HS6ST3: variants seen among roughly 807,000 people sequenced by gnomAD.
The protein encoded by HS6ST3 is heparan-sulfate 6-O-sulfotransferase 3.
HS6ST3 carries 12 observed loss-of-function variants against 36.7 expected under a neutral mutation model. That is an observed-to-expected ratio of 0.33 (90% CI 0.21 to 0.53). The LOEUF (loss-of-function observed/expected upper bound fraction) is 0.53, where lower values mean the gene tolerates loss of function less well. HS6ST3 is among the 20% of genes least tolerant of loss of function. HS6ST3 has a pLI of 0.95. For synonymous variants in HS6ST3, 240 were observed against 257.5 expected (o/e 0.93, Z 0.65); for missense variants, 584 against 640.9 (o/e 0.91, Z 0.96).
chr13:96,295,378 T>C (rs2054849970), intron 1 of HS6ST3, among the ~76,000 whole-genome samples: 1 of 152,084 alleles, frequency 6.6e-6, no homozygotes, highest in South Asian at 2.1e-4. Flanking sequence ...CCAAGTGTCA[T>C]TGTGATTTAG....
chr13:96,459,667 A>T (rs546961339), intron 1 of HS6ST3, among the ~76,000 whole-genome samples: 1 of 152,254 alleles, frequency 6.6e-6, no homozygotes, highest in Non-Finnish European at 1.5e-5. Flanking sequence ...GTATTTCAAC[A>T]ATTCTTGGTA....
At chr13:96,577,737 A>G (rs750033662) in intron 1 of HS6ST3, among the ~76,000 whole-genome samples, 3 of 152,240 alleles carry the variant, frequency 2.0e-5, no homozygotes, top group Non-Finnish European at 1.5e-5. Flanking sequence ...CAAACATGAA[A>G]AAAAGCTCAT....
intron 1 of HS6ST3, among the ~76,000 whole-genome samples, chr13:96,569,680 A>G (rs1167042581): frequency 1.3e-5 from 2 of 152,196 alleles, no homozygotes; most frequent in African/African-American, 4.8e-5. Context: ...GGGAAAACAA[A>G]TAAAATAAAC....
At chr13:96,642,240 C>A (rs1331588643) in intron 1 of HS6ST3, among the ~76,000 whole-genome samples, 1 of 151,702 alleles carries the variant, frequency 6.6e-6, no homozygotes, top group Non-Finnish European at 1.5e-5. Context: ...TATGAGAAAT[C>A]ATCTGTTAAT....
chr13:96,166,575 C>CTTTTTTTTTTTTT (rs765190619), intron 1 of HS6ST3, among the ~76,000 whole-genome samples: 20 of 131,580 alleles, frequency 1.5e-4, no homozygotes, highest in East Asian at 6.7e-4. Context: ...TTCTTTCTTT[C>CTTTTTTTTTTTTT]TTTTTTTTTT....
chr13:96,114,728 A>C (rs986578812), intron 1 of HS6ST3, among the ~76,000 whole-genome samples: 8 of 152,206 alleles, frequency 5.3e-5, no homozygotes, highest in African/African-American at 1.9e-4. Context: ...GTTGCTTTTC[A>C]TAAGATATAG....
Position 96,176,075 on chromosome 13 carries a change from T to TG in HS6ST3, c.707+84507dup, listed in dbSNP as rs530752350. 3.9e-5 allele frequency among the ~76,000 whole-genome samples: 6 copies of TG among 152,282 alleles called. No individual in the cohort carries two copies. In the South Asian group the frequency reaches 1.2e-3, roughly 32 times the overall value. On this transcript the variant is annotated intron_variant, in intron 1 of 1. Coordinates refer to ENST00000376705, the MANE Select transcript of HS6ST3 (RefSeq NM_153456.4). Reference sequence around the variant, plus strand: ...AACTCCTGACCTCAGGTGATCCACCTGCCTCCGCCTCTCAAGGTGCTGGGA... The same window carrying TG: ...AACTCCTGACCTCAGGTGATCCACCTGGCCTCCGCCTCTCAAGGTGCTGGGA...
chr13:96,769,741 T>A (rs1442800316), intron 1 of HS6ST3, among the ~76,000 whole-genome samples: 1 of 110,548 alleles, frequency 9.0e-6, no homozygotes, highest in African/African-American at 3.0e-5. Context: ...GCTCTGTGTG[T>A]GTGTGTGTGT....
At chr13:96,779,780 A>C (rs1007775859) in intron 1 of HS6ST3, among the ~76,000 whole-genome samples, 1 of 151,740 alleles carries the variant, frequency 6.6e-6, no homozygotes, top group South Asian at 2.1e-4. Flanking sequence ...AAAAAAAAAA[A>C]AAAAAACATT....
chr13:96,249,116 G>A (rs1286798575), intron 1 of HS6ST3, among the ~76,000 whole-genome samples: 1 of 152,032 alleles, frequency 6.6e-6, no homozygotes, highest in Non-Finnish European at 1.5e-5. Context: ...ACCAGCCTTT[G>A]GGGAGACAAA....
At chr13:96,700,854 C>T (rs1875267049) in intron 1 of HS6ST3, among the ~76,000 whole-genome samples, 2 of 152,156 alleles carry the variant, frequency 1.3e-5, no homozygotes, top group Admixed American at 6.5e-5. Flanking sequence ...ATGATTCACT[C>T]TTATCTCTTT....
intron 1 of HS6ST3, among the ~76,000 whole-genome samples, chr13:96,207,936 A>G (rs1566288037): frequency 6.6e-6 from 1 of 152,296 alleles, no homozygotes; most frequent in Non-Finnish European, 1.5e-5. Context: ...CATGGCATAC[A>G]TTTACCTATG....
At chr13:96,642,101 G>A (rs1047385095) in intron 1 of HS6ST3, among the ~76,000 whole-genome samples, 3 of 151,692 alleles carry the variant, frequency 2.0e-5, no homozygotes. Context: ...TTTGAAGGGG[G>A]GAGGGATGTC....
At chr13:96,327,591 T>C (rs1265860204) in intron 1 of HS6ST3, among the ~76,000 whole-genome samples, 2 of 151,966 alleles carry the variant, frequency 1.3e-5, no homozygotes, top group African/African-American at 4.8e-5. Context: ...AGCCTTGTAG[T>C]ATAGTTTGAA....
At chr13:96,118,549 A>G (rs2053904660) in intron 1 of HS6ST3, among the ~76,000 whole-genome samples, 1 of 151,222 alleles carries the variant, frequency 6.6e-6, no homozygotes, top group African/African-American at 2.4e-5. Context: ...TGAAGGAAGT[A>G]GAAACTTCCT....
intron 1 of HS6ST3, among the ~76,000 whole-genome samples, chr13:96,580,732 A>C (rs953774390): frequency 2.6e-5 from 4 of 152,172 alleles, no homozygotes; most frequent in Non-Finnish European, 5.9e-5. Flanking sequence ...TCATTTATGT[A>C]GATTTTGCTT....
At chr13:96,325,953 T>A (rs2055028712) in intron 1 of HS6ST3, among the ~76,000 whole-genome samples, 1 of 152,138 alleles carries the variant, frequency 6.6e-6, no homozygotes, top group Admixed American at 6.6e-5. Context: ...ATACTTAATT[T>A]AGTTTGACAT....
At chr13:96,254,875 A>G (rs2054629383) in intron 1 of HS6ST3, among the ~76,000 whole-genome samples, 1 of 152,152 alleles carries the variant, frequency 6.6e-6, no homozygotes, top group African/African-American at 2.4e-5. Flanking sequence ...CTGAAAACCC[A>G]AAGAAAAAAG....
chr13:96,319,718 T>C (rs2054994441), intron 1 of HS6ST3, among the ~76,000 whole-genome samples: 1 of 152,224 alleles, frequency 6.6e-6, no homozygotes, highest in African/African-American at 2.4e-5. Flanking sequence ...CATTACAATG[T>C]TAACACTAGA....
Sources: allele counts gnomAD v4.1 joint callset (sites outside exome capture counted in the v4.1 genomes callset), GRCh38; gene constraint gnomAD v4.1.1; transcripts MANE v1.5; gene names NCBI Gene and HGNC (gene_info 2026-07-23, HGNC 2026-07-21).